SHB: variants seen among roughly 807,000 people sequenced by gnomAD.
The protein encoded by SHB is SH2 domain containing adaptor protein B, also known as SH2 domain-containing adapter protein B.
SHB carries 20 observed loss-of-function variants against 52.3 expected under a neutral mutation model. That is an observed-to-expected ratio of 0.38 (90% CI 0.27 to 0.56). SHB has a LOEUF of 0.56. Among genes scored for constraint, SHB ranks in the 20% least tolerant of loss-of-function variants. The pLI is 0.71. For synonymous variants in SHB, 397 were observed against 316.5 expected (o/e 1.25, Z -2.70); for missense variants, 825 against 723.3 (o/e 1.14, Z -1.61).
At chr9:38,058,550 G>C (rs1046403964) in intron 1 of SHB, among the ~76,000 whole-genome samples, 3 of 152,162 alleles carry the variant, frequency 2.0e-5, no homozygotes, top group East Asian at 3.9e-4. Context: ...AGAATCTCCA[G>C]AGCCACCCTT....
At chr9:38,051,611 G>A (rs1356991220) in intron 1 of SHB, among the ~76,000 whole-genome samples, 2 of 152,202 alleles carry the variant, frequency 1.3e-5, no homozygotes, top group African/African-American at 4.8e-5. Context: ...GGGTGATGAG[G>A]AAGTGATGAC....
intron 3 of SHB, among the ~76,000 whole-genome samples, chr9:37,972,649 A>AT (rs1820604408): frequency 6.6e-6 from 1 of 152,184 alleles, no homozygotes; most frequent in African/African-American, 2.4e-5. Flanking sequence ...TGGAGAGATG[A>AT]TAATGTTTAA....
At chr9:37,974,876 A>T in intron 2 of SHB, 39 bp from the exon 3 acceptor site, 1 of 1,524,088 alleles carries the variant, frequency 6.6e-7, no homozygotes, top group South Asian at 1.1e-5. Context: ...TGAAATGGAT[A>T]CTGCACTTCC....
intron 1 of SHB, among the ~76,000 whole-genome samples, chr9:38,018,343 T>C (rs1821241401): frequency 6.6e-6 from 1 of 152,166 alleles, no homozygotes; most frequent in African/African-American, 2.4e-5. Flanking sequence ...TATTTTCTAA[T>C]TAAAATGAGA....
At position 38,016,030 on chromosome 9, in the gene SHB, C is replaced by T; in HGVS notation, c.819G>A (p.Glu273=). The change falls in exon 2 of 6, where the codon GAG becomes GAA. Residue 273 remains glutamate, a synonymous_variant. Coordinates refer to ENST00000377707, the MANE Select transcript of SHB (RefSeq NM_003028.3). ...ACTTACCTGTCATGATCCTCTGTGC[C>T]TCATAGGGCTCCATGTAGCCAGCAC... ...GESAGYMEPY[E]AQRIMTEFQR... 1 of 1,614,208 alleles carries T rather than the reference C, an allele frequency of 6.2e-7. No homozygotes were observed. The highest frequency in any genetic ancestry group is 8.5e-7 in the Non-Finnish European group (1 of 1,180,024).
At chr9:37,962,509 CTTT>C (rs61534080) in intron 3 of SHB, among the ~76,000 whole-genome samples, 2 of 145,738 alleles carry the variant, frequency 1.4e-5, no homozygotes, top group African/African-American at 2.5e-5. Context: ...CTTCATCTTT[CTTT>C]TTTTTTTTTT....
chr9:37,974,582 G>C, intron 3 of SHB, 40 bp downstream of exon 3: 1 of 1,570,228 alleles, frequency 6.4e-7, no homozygotes, highest in Non-Finnish European at 8.7e-7. Context: ...GCTGAGCGCA[G>C]CTCAGCAGCT....
chr9:37,937,624 G>A (rs548259246), intron 5 of SHB, among the ~76,000 whole-genome samples: 1 of 152,372 alleles, frequency 6.6e-6, no homozygotes, highest in African/African-American at 2.4e-5. Context: ...AAGGGCGCCT[G>A]CGTGCGAGTG....
rs140187973 is a variant in SHB at position 37,951,683 on chromosome 9, C to T, written c.1227-2929G>A. Among the ~76,000 whole-genome samples, 3 of 152,370 alleles carry T rather than the reference C, an allele frequency of 2.0e-5. No individual in the cohort carries two copies. In the East Asian group the frequency reaches 5.8e-4, roughly 29 times the overall value. Reference sequence around the variant, plus strand: ...GCTCTGCTCTGAGATGGGGGCATGGCCTCTGGATTCTTGTTAAGGGGAATC... The same window carrying T: ...GCTCTGCTCTGAGATGGGGGCATGGTCTCTGGATTCTTGTTAAGGGGAATC... On this transcript the variant is annotated intron_variant, in intron 4 of 5. Coordinates refer to ENST00000377707, the MANE Select transcript of SHB (RefSeq NM_003028.3).
At chr9:38,064,122 G>A (rs1002719905) in intron 1 of SHB, among the ~76,000 whole-genome samples, 10 of 149,804 alleles carry the variant, frequency 6.7e-5, no homozygotes, top group Admixed American at 4.0e-4. Context: ...AGCACAACTT[G>A]AAGGAATACT....
chr9:38,017,784 C>A (rs1018499658), intron 1 of SHB, among the ~76,000 whole-genome samples: 8 of 152,240 alleles, frequency 5.3e-5, no homozygotes, highest in Non-Finnish European at 1.0e-4. Context: ...TCTTGAGACT[C>A]ACTGAGCTCA....
intron 1 of SHB, among the ~76,000 whole-genome samples, chr9:38,029,788 G>A (rs541043010): frequency 9.8e-5 from 15 of 152,292 alleles, no homozygotes; most frequent in Non-Finnish European, 1.5e-4. Flanking sequence ...ACCACACCCG[G>A]CCTGCTATGA....
chr9:37,946,142 G>A (rs1832488799), intron 5 of SHB, among the ~76,000 whole-genome samples: 1 of 152,212 alleles, frequency 6.6e-6, no homozygotes, highest in African/African-American at 2.4e-5. Flanking sequence ...CCCCTATGGC[G>A]TGACTGGCCA....
At chr9:37,991,871 G>C (rs1564096268) in intron 2 of SHB, among the ~76,000 whole-genome samples, 2 of 152,204 alleles carry the variant, frequency 1.3e-5, no homozygotes, top group East Asian at 1.9e-4. Flanking sequence ...TGTCAGAAGA[G>C]GCTACGCCTC....
rs1832122336 is a variant in SHB, at chr9:37,917,969, G to T, written c.*1852C>A. Among the ~76,000 whole-genome samples, 2 of 152,246 alleles carry T rather than the reference G, an allele frequency of 1.3e-5. No homozygotes were observed. Among genetic ancestry groups the T allele is most frequent in the African/African-American group, 4.8e-5 (2 of 41,464 alleles). On this transcript the variant is annotated 3_prime_UTR_variant, in exon 6 of 6. Coordinates refer to ENST00000377707, the MANE Select transcript of SHB (RefSeq NM_003028.3). The stretch of plus-strand genomic sequence containing the variant: ...GTCCACGCAGCTACCTAAAGGGGCA[G>T]GGCTCAGTCCCAGCTCGACACGTGG...
chr9:37,953,465 C>T (rs920263334), intron 4 of SHB, among the ~76,000 whole-genome samples: 4 of 151,778 alleles, frequency 2.6e-5, no homozygotes, highest in African/African-American at 9.7e-5. Context: ...TACTGGGACA[C>T]GTTCATATAC....
intron 1 of SHB, among the ~76,000 whole-genome samples, chr9:38,053,640 C>T (rs1821779648): frequency 6.6e-6 from 1 of 152,024 alleles, no homozygotes; most frequent in African/African-American, 2.4e-5. Flanking sequence ...CCAGGTAAAG[C>T]TTAACCGTAA....
At chr9:37,981,575 A>G (rs979697025) in intron 2 of SHB, among the ~76,000 whole-genome samples, 3 of 150,736 alleles carry the variant, frequency 2.0e-5, no homozygotes, top group Non-Finnish European at 4.4e-5. Context: ...ATTTTCTTCA[A>G]CTTTTCCTTT....
At chr9:38,000,712 T>C (rs1203492084) in intron 2 of SHB, among the ~76,000 whole-genome samples, 2 of 152,230 alleles carry the variant, frequency 1.3e-5, no homozygotes, top group Non-Finnish European at 2.9e-5. Context: ...ATAAAGTGCA[T>C]GGCATTTGGC....
Sources: allele counts gnomAD v4.1 joint callset (sites outside exome capture counted in the v4.1 genomes callset), GRCh38; gene constraint gnomAD v4.1.1; transcripts MANE v1.5; gene names NCBI Gene and HGNC (gene_info 2026-07-23, HGNC 2026-07-21).